Variants in QKI observed in about 807,000 individuals in gnomAD.
QKI encodes QKI, KH domain containing RNA binding, also known as KH domain-containing RNA-binding protein QKI.
Under a neutral mutation model 39.0 loss-of-function variants are expected in QKI, and 10 were observed. The observed-to-expected ratio is 0.26, with a 90% CI of 0.16 to 0.43. The LOEUF (loss-of-function observed/expected upper bound fraction) is 0.43. Ranked by LOEUF, QKI falls within the 20% of genes least tolerant of loss-of-function variation. The pLI is 1.00. For synonymous variants in QKI, 204 were observed against 155.4 expected, an observed-to-expected ratio of 1.31 and a Z score of -2.33; for missense variants, 218 against 428.0, an observed-to-expected ratio of 0.51 and a Z score of 4.33.
At chr6:163,569,178 AT>A in intron 7 of QKI, 2 of 957,190 alleles carry the variant, frequency 2.1e-6, no homozygotes, top group Non-Finnish European at 2.5e-6. Flanking sequence ...TGGAGCAGCA[AT>A]TTTTATTTTA....
chr6:163,482,084 C>T (rs1191095288), intron 3 of QKI, among the ~76,000 whole-genome samples: 1 of 151,922 alleles, frequency 6.6e-6, no homozygotes, highest in African/African-American at 2.4e-5. Context: ...GCTAGGTAGG[C>T]TGAGGAGGGA....
rs761851020 is a variant in QKI, at chr6:163,478,762, CT to C, written c.286-6del. On this transcript the variant is annotated splice_polypyrimidine_tract_variant and intron_variant, in intron 2 of 7. Transcript: ENST00000361752. ...AGCAAGTGAATAATGTATAGTGATCCTTTTTTTTTTTTCTCAGTTTAATTTT... is the reference window on the plus strand; with the variant it reads ...AGCAAGTGAATAATGTATAGTGATCCTTTTTTTTTTTCTCAGTTTAATTTT... The C allele has an allele frequency of 0.055, 56,034 of 1,020,236 alleles. 6 individuals carry two copies. Among genetic ancestry groups the C allele is most frequent in the South Asian group, 0.077 (4,253 of 55,426 alleles). The allele number at this position is 1,020,236 out of a possible 1,614,324, so 63.2% of individuals were successfully genotyped here. A position where few individuals can be genotyped will look rare whatever the true frequency, so the allele number is the denominator to read the frequency against.
intron 4 of QKI, among the ~76,000 whole-genome samples, chr6:163,552,681 G>C (rs1459436027): frequency 6.6e-6 from 1 of 152,094 alleles, no homozygotes; most frequent in Non-Finnish European, 1.5e-5. Context: ...ACTCATATAT[G>C]TTTTCTAGAG....
chr6:163,532,228 A>G (rs1381129883), intron 3 of QKI, among the ~76,000 whole-genome samples: 3 of 152,198 alleles, frequency 2.0e-5, no homozygotes, highest in African/African-American at 7.2e-5. Context: ...TTGATTATAA[A>G]TGTTCCTCAG....
intron 3 of QKI, among the ~76,000 whole-genome samples, chr6:163,479,902 A>G (rs1349574000): frequency 6.6e-6 from 1 of 152,196 alleles, no homozygotes; most frequent in Admixed American, 6.5e-5. Context: ...GGAGAGTTAG[A>G]AGACAGAAAT....
intron 1 of QKI, among the ~76,000 whole-genome samples, chr6:163,415,626 C>T (rs1258106528): frequency 2.6e-5 from 4 of 151,808 alleles, no homozygotes; most frequent in Non-Finnish European, 5.9e-5. Context: ...TGCGGCCCCT[C>T]TAGCTTCGGC....
At chr6:163,482,908 G>A (rs1489120656) in intron 3 of QKI, among the ~76,000 whole-genome samples, 2 of 152,092 alleles carry the variant, frequency 1.3e-5, no homozygotes, top group African/African-American at 4.8e-5. Flanking sequence ...TAGAGGTTGG[G>A]GAATGAGGCT....
At chr6:163,488,973 C>CTTTTTT (rs767477914) in intron 3 of QKI, among the ~76,000 whole-genome samples, 1 of 122,120 alleles carries the variant, frequency 8.2e-6, no homozygotes, top group African/African-American at 3.3e-5. Flanking sequence ...CCTTCCATTT[C>CTTTTTT]TTTTTTTTTT....
intron 1 of QKI, among the ~76,000 whole-genome samples, chr6:163,417,800 G>C (rs1288649467): frequency 6.6e-6 from 1 of 152,090 alleles, no homozygotes; most frequent in Admixed American, 6.5e-5. Context: ...GTGGCATATA[G>C]TATGTTTAAA....
At chr6:163,446,362 T>C (rs531481527) in intron 1 of QKI, among the ~76,000 whole-genome samples, 130 of 152,344 alleles carry the variant, frequency 8.5e-4, no homozygotes, top group African/African-American at 3.0e-3. Flanking sequence ...TTTCCATTGC[T>C]AAGAGTTTAT....
chr6:163,555,188 T>A (rs570399710), intron 4 of QKI, among the ~76,000 whole-genome samples: 102 of 152,330 alleles, frequency 6.7e-4, no homozygotes, highest in African/African-American at 2.2e-3. Flanking sequence ...TTTTAAAATA[T>A]GTTGAGCACA....
chr6:163,489,819 A>T, intron 3 of QKI, among the ~76,000 whole-genome samples: 1 of 152,170 alleles, frequency 6.6e-6, no homozygotes, highest in East Asian at 1.9e-4. Flanking sequence ...GAAGTTAACC[A>T]CATATAATTT....
intron 1 of QKI, 194 bp from the exon 2 acceptor site, chr6:163,455,085 T>C (rs1434622227): frequency 7.6e-6 from 3 of 395,440 alleles, no homozygotes; most frequent in Admixed American, 4.3e-5. Context: ...AATTGGTTTG[T>C]AGTAGAAATT....
chr6:163,523,423 A>G (rs1780281031), intron 3 of QKI, among the ~76,000 whole-genome samples: 1 of 152,228 alleles, frequency 6.6e-6, no homozygotes, highest in South Asian at 2.1e-4. Flanking sequence ...AGAGACAATA[A>G]TAAATGTCTT....
chr6:163,527,402 T>C (rs886356745), intron 3 of QKI, among the ~76,000 whole-genome samples: 1 of 152,174 alleles, frequency 6.6e-6, no homozygotes, highest in Non-Finnish European at 1.5e-5. Flanking sequence ...TATTGGAACC[T>C]TGGTTTTTGT....
At chr6:163,475,543 T>TC (rs530170969) in intron 2 of QKI, among the ~76,000 whole-genome samples, 83 of 151,838 alleles carry the variant, frequency 5.5e-4, no homozygotes, top group African/African-American at 1.7e-3. Flanking sequence ...CTGTAACCAA[T>TC]CCCCCCCACC....
In QKI at chr6:163,427,006, G is replaced by C. The variant is rs185423376; in HGVS notation, c.142+11671G>C. ...GTTGAACTGCTGCTTGCTTTCTGGG[G>C]CACAAGGCTTCCCTTGTGCCTTGTC... On this transcript the variant is annotated intron_variant, in intron 1 of 7. Transcript: ENST00000361752. Among the ~76,000 whole-genome samples the C allele has an allele frequency of 1.4e-3, 209 of 152,118 alleles. 1 individual carries two copies. Among genetic ancestry groups the C allele is most frequent in the Non-Finnish European group, 2.6e-3 (176 of 67,996 alleles).
At chr6:163,536,446 G>C (rs1193487451) in intron 4 of QKI, among the ~76,000 whole-genome samples, 1 of 152,142 alleles carries the variant, frequency 6.6e-6, no homozygotes, top group African/African-American at 2.4e-5. Context: ...TTGATCAACT[G>C]TCAGGCTTCC....
At chr6:163,519,704 A>G (rs1780034589) in intron 3 of QKI, among the ~76,000 whole-genome samples, 1 of 152,098 alleles carries the variant, frequency 6.6e-6, no homozygotes, top group Non-Finnish European at 1.5e-5. Flanking sequence ...TGTTTTCTCC[A>G]ATTATAATGA....
Sources: allele counts gnomAD v4.1 joint callset (sites outside exome capture counted in the v4.1 genomes callset), GRCh38; gene constraint gnomAD v4.1.1; transcripts MANE v1.5; gene names NCBI Gene and HGNC (gene_info 2026-07-23, HGNC 2026-07-21).